DORIP1: variants seen among roughly 807,000 people sequenced by gnomAD.
DORIP1 encodes the protein dopamine receptor-interacting protein 1.
At chr14:44,905,734 ATTTT>A in the DORIP1 span, 1 of 369,268 alleles carries the variant, frequency 2.7e-6, no homozygotes. Context: ...AATGTTTGTA[ATTTT>A]TTTATATTTC....
chr14:44,905,555 A>G, the DORIP1 span: 1 of 1,480,308 alleles, frequency 6.8e-7, no homozygotes, highest in Non-Finnish European at 9.1e-7. Context: ...AAATAAATAT[A>G]GATTGATGCT....
chr14:44,899,824 A>T, the DORIP1 span, among the ~76,000 whole-genome samples: 10,256 of 115,276 alleles, frequency 0.089, 1,382 homozygotes, highest in African/African-American at 0.31. Context: ...TCATTTAGGA[A>T]TTTTTTTTTT....
the DORIP1 span, chr14:44,901,015 T>G: frequency 6.6e-7 from 1 of 1,508,656 alleles, no homozygotes; most frequent in Non-Finnish European, 8.9e-7. Context: ...GAATGTTGCT[T>G]TAGATATGTA....
At chr14:44,904,599 G>T in the DORIP1 span, 31 of 1,391,180 alleles carry the variant, frequency 2.2e-5, no homozygotes, top group East Asian at 4.7e-4. Flanking sequence ...TTATGATTTT[G>T]ACTAGCCCTT....
At chr14:44,905,467 A>G in the DORIP1 span, 1 of 1,568,970 alleles carries the variant, frequency 6.4e-7, no homozygotes. Context: ...TGGGCTCAGA[A>G]ATGTGAATTT....
the DORIP1 span, among the ~76,000 whole-genome samples, chr14:44,902,311 G>A: frequency 6.6e-6 from 1 of 151,928 alleles, no homozygotes; most frequent in East Asian, 1.9e-4. Context: ...ATGCCACCAT[G>A]CCCAGCTAAT....
chr14:44,899,902 G>A, the DORIP1 span, among the ~76,000 whole-genome samples: 1 of 146,868 alleles, frequency 6.8e-6, no homozygotes, highest in Non-Finnish European at 1.5e-5. Flanking sequence ...CGTGATCTCG[G>A]CTCACCGCAA....
At chr14:44,904,059 C>T in the DORIP1 span, 2 of 984,948 alleles carry the variant, frequency 2.0e-6, no homozygotes, top group Non-Finnish European at 2.4e-6. Flanking sequence ...ATATTTTTCC[C>T]CTCTCTGCCA....
chr14:44,897,671 C>CG, the DORIP1 span: 66 of 153,228 alleles, frequency 4.3e-4, no homozygotes, highest in Non-Finnish European at 7.0e-4. Flanking sequence ...GAGCACTCGG[C>CG]GGGGCACTGC....
At chr14:44,903,840 T>A in the DORIP1 span, 1 of 985,090 alleles carries the variant, frequency 1.0e-6, no homozygotes, top group African/African-American at 1.7e-5. Context: ...CAACAAATAC[T>A]GAAACAGATG....
the DORIP1 span, chr14:44,897,462 A>G: frequency 4.7e-6 from 1 of 212,464 alleles, no homozygotes. Flanking sequence ...CGGTACTCAT[A>G]GATGAGGCAG....
At chr14:44,904,493 C>T in the DORIP1 span, 11 of 1,610,638 alleles carry the variant, frequency 6.8e-6, no homozygotes, top group East Asian at 2.2e-5. Context: ...GAAGATCTGG[C>T]GTATGTACCC....
At chr14:44,897,476 C>T in the DORIP1 span, 1 of 206,820 alleles carries the variant, frequency 4.8e-6, no homozygotes, top group Non-Finnish European at 9.4e-6. Context: ...GAGGCAGCGG[C>T]GGCGGCGGCG....
At chr14:44,900,520 T>TG in the DORIP1 span, 65 of 1,598,392 alleles carry the variant, frequency 4.1e-5, no homozygotes, top group Middle Eastern at 1.7e-4. Context: ...TGTTCTTCCT[T>TG]GGGGGGGTGT....
the DORIP1 span, chr14:44,905,434 G>A: frequency 1.3e-6 from 2 of 1,570,274 alleles, no homozygotes; most frequent in Non-Finnish European, 1.7e-6. Context: ...TTTCCAGATT[G>A]GTGGACATTG....
At chr14:44,905,668 GT>G in the DORIP1 span, 1 of 701,342 alleles carries the variant, frequency 1.4e-6, no homozygotes, top group Non-Finnish European at 2.1e-6. Flanking sequence ...AGTTTCAGAA[GT>G]GTATTTTCAG....
the DORIP1 span, among the ~76,000 whole-genome samples, chr14:44,901,465 C>T: frequency 6.6e-6 from 1 of 152,198 alleles, no homozygotes; most frequent in African/African-American, 2.4e-5. Context: ...CAGCCTATTA[C>T]ATCCAAACAT....
the DORIP1 span, among the ~76,000 whole-genome samples, chr14:44,898,580 T>C: frequency 6.6e-6 from 1 of 152,366 alleles, no homozygotes; most frequent in East Asian, 1.9e-4. Context: ...TTTTCGTTTT[T>C]AAAGTATTTG....
Sources: gnomAD v4.1 joint callset for allele counts (sites outside exome capture counted in the v4.1 genomes callset) on GRCh38, gnomAD v4.1.1 for gene constraint, MANE v1.5 for transcripts, NCBI Gene and HGNC (gene_info 2026-07-23, HGNC 2026-07-21) for gene names.